NEDD4L: variants seen among roughly 807,000 people sequenced by gnomAD.
NEDD4L encodes the protein E3 ubiquitin-protein ligase NEDD4-like.
A neutral mutation model predicts 148.9 loss-of-function variants in NEDD4L; 54 were observed. That is an observed-to-expected ratio of 0.36 (90% CI 0.29 to 0.45). The LOEUF (loss-of-function observed/expected upper bound fraction) is 0.45. Among genes scored for constraint, NEDD4L ranks in the 20% least tolerant of loss-of-function variants. The pLI, the probability that NEDD4L is intolerant of heterozygous loss-of-function variation, is 1.00. For synonymous variants in NEDD4L, 433 were observed against 440.7 expected (o/e 0.98, Z 0.22); for missense variants, 856 against 1,233.8 (o/e 0.69, Z 4.59).
chr18:58,205,047 C>T (rs772539244), intron 2 of NEDD4L, among the ~76,000 whole-genome samples: 20 of 152,214 alleles, frequency 1.3e-4, no homozygotes, highest in Non-Finnish European at 2.5e-4. Flanking sequence ...GTTGAGAGTT[C>T]AACCCATCAA....
intron 2 of NEDD4L, among the ~76,000 whole-genome samples, chr18:58,191,878 A>G (rs1396639440): frequency 2.0e-5 from 3 of 152,174 alleles, no homozygotes; most frequent in Non-Finnish European, 4.4e-5. Flanking sequence ...GGTACATGGT[A>G]CAAGCTTGAT....
chr18:58,351,090 G>A, intron 18 of NEDD4L, 45 bp downstream of exon 18: 1 of 1,557,412 alleles, frequency 6.4e-7, no homozygotes, highest in Non-Finnish European at 8.7e-7. Flanking sequence ...TGGGTTAGAG[G>A]GAAGGAGTAA....
intron 6 of NEDD4L, among the ~76,000 whole-genome samples, chr18:58,320,289 C>CTGT (rs2149459283): frequency 6.6e-6 from 1 of 152,318 alleles, no homozygotes; most frequent in South Asian, 2.1e-4. Context: ...TCCCATCACC[C>CTGT]TGTATTGTAT....
chr18:58,081,330 C>G (rs994710726), intron 1 of NEDD4L, among the ~76,000 whole-genome samples: 5 of 151,428 alleles, frequency 3.3e-5, no homozygotes, highest in African/African-American at 1.2e-4. Flanking sequence ...ATGCTCCTGC[C>G]TCAGCCTCCC....
intron 8 of NEDD4L, 24 bp from the exon 9 acceptor site, chr18:58,324,972 C>A (rs777780224): frequency 3.7e-6 from 6 of 1,601,456 alleles, no homozygotes; most frequent in Middle Eastern, 1.7e-4. Context: ...ACCTCATAAT[C>A]GTCCCTTTAA....
Position 58,388,678 on chromosome 18 carries a change from A to G in NEDD4L, c.2548-407A>G, listed in dbSNP as rs528418286. 1.3e-4 allele frequency: 23 copies of G among 181,242 alleles called. No individual in the cohort carries two copies. The South Asian group carries it at 2.6e-3, about 20-fold the overall frequency. 11.2% of individuals were successfully genotyped at this position (181,242 alleles called of 1,614,324 possible). On this transcript the variant is annotated intron_variant, in intron 27 of 30. Coordinates refer to ENST00000400345, the MANE Select transcript of NEDD4L (RefSeq NM_001144967.3). ...ACCTGGAGGAGAGTCATAAGCACTA[A>G]TTCTTTTGTGGGTAGGGAGATGCTT... is the stretch of plus-strand genomic sequence containing the variant.
chr18:58,167,895 AT>A (rs1224802747), intron 2 of NEDD4L, among the ~76,000 whole-genome samples: 1 of 151,650 alleles, frequency 6.6e-6, no homozygotes, highest in Non-Finnish European at 1.5e-5. Flanking sequence ...TTGGGTTTTT[AT>A]TTTGTTTTAT....
intron 1 of NEDD4L, among the ~76,000 whole-genome samples, chr18:58,056,963 G>A (rs1489693856): frequency 6.9e-6 from 1 of 144,736 alleles, no homozygotes; most frequent in East Asian, 2.1e-4. Flanking sequence ...GGCCTCCTGT[G>A]CCTTAAATCT....
rs905138266 is a variant in NEDD4L at position 58,256,010 on chromosome 18, C to A, written c.297+3956C>A. ...TGGGCCTCCATGCGCAACGCCCGAC[C>A]CCAGGGACCAGGCCTCCGCCACTGC... On this transcript the variant is annotated intron_variant, in intron 5 of 30. Transcript: ENST00000400345. The surrounding 1 kb of genome is among the most constrained non-coding windows in gnomAD (Gnocchi z 5.2). 9 of 1,230,282 alleles carry A rather than the reference C, an allele frequency of 7.3e-6. No homozygotes were observed. The highest frequency in any genetic ancestry group is 8.1e-6 in the Non-Finnish European group (8 of 987,104). 76.2% of individuals were successfully genotyped at this position (1,230,282 alleles called of 1,614,324 possible).
At chr18:58,140,718 G>A (rs1172002223) in intron 1 of NEDD4L, among the ~76,000 whole-genome samples, 2 of 152,228 alleles carry the variant, frequency 1.3e-5, no homozygotes, top group African/African-American at 2.4e-5. Flanking sequence ...GTGCCTTTCT[G>A]GTGTCATCTG....
intron 19 of NEDD4L, among the ~76,000 whole-genome samples, chr18:58,357,801 G>A (rs868686882): frequency 1.1e-4 from 17 of 152,130 alleles, no homozygotes; most frequent in African/African-American, 3.9e-4. Flanking sequence ...TGATGCAGGC[G>A]TGATGACCTC....
chr18:58,149,029 G>A (rs1253905123), intron 1 of NEDD4L, among the ~76,000 whole-genome samples: 2 of 152,192 alleles, frequency 1.3e-5, no homozygotes, highest in Non-Finnish European at 2.9e-5. Flanking sequence ...CAAATCCTGG[G>A]TTTTGGAGAT....
intron 1 of NEDD4L, among the ~76,000 whole-genome samples, chr18:58,142,162 T>C (rs2033612068): frequency 6.8e-6 from 1 of 146,140 alleles, no homozygotes; most frequent in South Asian, 2.3e-4. Flanking sequence ...TTCTCCTGCC[T>C]CAGCCTCCCG....
chr18:58,282,576 TC>T (rs1249212081), intron 5 of NEDD4L, among the ~76,000 whole-genome samples: 3 of 152,358 alleles, frequency 2.0e-5, no homozygotes, highest in Non-Finnish European at 2.9e-5. Context: ...TTGGCTTATG[TC>T]AGTGAATTGG....
chr18:58,249,625 C>T (rs1053408199), intron 4 of NEDD4L, among the ~76,000 whole-genome samples: 6 of 152,202 alleles, frequency 3.9e-5, no homozygotes, highest in East Asian at 3.8e-4. Context: ...CTCTTCAAAA[C>T]GAAGGTATCT....
intron 5 of NEDD4L, among the ~76,000 whole-genome samples, chr18:58,278,519 C>T (rs2052503987): frequency 6.6e-6 from 1 of 152,250 alleles, no homozygotes; most frequent in African/African-American, 2.4e-5. Context: ...CTCTCCTGTT[C>T]TGCCAAAACC....
intron 19 of NEDD4L, among the ~76,000 whole-genome samples, chr18:58,360,701 C>T (rs1372151472): frequency 6.6e-6 from 1 of 151,870 alleles, no homozygotes; most frequent in Non-Finnish European, 1.5e-5. Flanking sequence ...TCTGTAGACT[C>T]TCCTTAAGAG....
At chr18:58,367,673 A>G (rs893656101) in intron 21 of NEDD4L, 73 bp from the exon 22 acceptor site, 2 of 1,541,858 alleles carry the variant, frequency 1.3e-6, no homozygotes, top group South Asian at 2.3e-5. Context: ...GTTGAGTGAC[A>G]GGTGGCAAAC....
chr18:58,136,118 A>G (rs953656786), intron 1 of NEDD4L, among the ~76,000 whole-genome samples: 1 of 151,722 alleles, frequency 6.6e-6, no homozygotes, highest in Non-Finnish European at 1.5e-5. Context: ...TAAGATAACA[A>G]CTCACATGCT....
Sources: gnomAD v4.1 joint callset for allele counts (sites outside exome capture counted in the v4.1 genomes callset) on GRCh38, gnomAD v4.1.1 for gene constraint, Gnocchi (gnomAD v3.1) non-coding constraint, MANE v1.5 for transcripts, NCBI Gene and HGNC (gene_info 2026-07-23, HGNC 2026-07-21) for gene names.